PLXNB2: variants seen among roughly 807,000 people sequenced by gnomAD.
PLXNB2 encodes the protein plexin B2.
Under a neutral mutation model 202.6 loss-of-function variants are expected in PLXNB2, and 85 were observed. That is an observed-to-expected ratio of 0.42 (90% CI 0.35 to 0.50). PLXNB2 has a LOEUF of 0.50. Among genes scored for constraint, PLXNB2 ranks in the 20% least tolerant of loss-of-function variants. The probability of loss-of-function intolerance (pLI) is 0.02; values close to 1 mark genes in which losing one functional copy is unlikely to be tolerated. For synonymous variants in PLXNB2, 1,239 were observed against 1,137.6 expected, an observed-to-expected ratio of 1.09 and a Z score of -1.79; for missense variants, 2,063 against 2,586.2, an observed-to-expected ratio of 0.80 and a Z score of 4.39.
rs755219629 is a variant in PLXNB2, at chr22:50,287,193, C to T, written c.1680G>A (p.Ser560=). 4.5e-6 allele frequency: 7 copies of T among 1,548,284 alleles called. No homozygotes were observed. Among genetic ancestry groups the T allele is most frequent in the Admixed American group, 3.9e-5 (2 of 50,880 alleles). ...EDELLCLFGE[S]PPHPARVEGE... is the part of the protein sequence containing the mutation. Reference sequence around the variant, plus strand: ...CCTCCACGCGGGCGGGGTGTGGCGGCGACTCCCCAAAAAGGCACAGCAACT... The same window carrying T: ...CCTCCACGCGGGCGGGGTGTGGCGGTGACTCCCCAAAAAGGCACAGCAACT... The change falls in exon 8 of 37, where the codon TCG becomes TCA. Residue 560 remains serine, a synonymous_variant. Coordinates refer to ENST00000359337, the MANE Select transcript of PLXNB2 (RefSeq NM_012401.4).
intron 35 of PLXNB2, 45 bp downstream of exon 35, chr22:50,276,584 T>A: frequency 6.8e-7 from 1 of 1,468,434 alleles, no homozygotes; most frequent in Non-Finnish European, 9.5e-7. Context: ...CATGGGGTAG[T>A]GGGAGCGGGG....
intron 1 of PLXNB2, among the ~76,000 whole-genome samples, chr22:50,296,193 T>TACACACACAC (rs58616888): frequency 0.029 from 4,096 of 139,346 alleles, 96 homozygotes; most frequent in South Asian, 0.048. Flanking sequence ...TCTCAAAAAA[T>TACACACACAC]ACACACACAC....
chr22:50,278,040 C>T lies in PLXNB2; in HGVS notation c.4888-27G>A, dbSNP rs749699642. 4.5e-5 allele frequency: 72 copies of T among 1,606,418 alleles called. 1 individual carries two copies. In the East Asian group the frequency reaches 9.2e-4, roughly 20 times the overall value. Reference sequence around the variant, plus strand: ...TGTGGGGGGGAGGGTCTCAGCGTGACGCCGTGGGCGCGGCTCCTGGGGGGG... The same window carrying T: ...TGTGGGGGGGAGGGTCTCAGCGTGATGCCGTGGGCGCGGCTCCTGGGGGGG... On this transcript the variant is annotated intron_variant, in intron 31 of 36. Transcript: ENST00000359337.
intron 18 of PLXNB2, 52 bp downstream of exon 18, chr22:50,282,656 TGAG>T: frequency 7.6e-7 from 1 of 1,312,620 alleles, no homozygotes; most frequent in Non-Finnish European, 1.1e-6. Context: ...CCAAGGGCAC[TGAG>T]GAGGCAGCTG....
Position 50,288,641 on chromosome 22 carries a change from C to T in PLXNB2, c.1380+102G>A. The T allele has an allele frequency of 1.3e-6, 2 of 1,492,894 alleles. No homozygotes were observed. Among genetic ancestry groups the T allele is most frequent in the Non-Finnish European group, 1.8e-6 (2 of 1,107,082 alleles). The allele number at this position is 1,492,894 out of a possible 1,614,324, so 92.5% of individuals were successfully genotyped here. On this transcript the variant is annotated intron_variant, in intron 5 of 36. Transcript: ENST00000359337. This position sits in a 1 kb window ranked among gnomAD's most constrained non-coding sequence, Gnocchi z 5.0. ...CAAGGAGAAGGGCCCAGCTCTGCAG[C>T]ACCCCATCCTCCTCTGGCCCCCAGG...
intron 25 of PLXNB2, 135 bp downstream of exon 25, chr22:50,280,354 C>T: frequency 1.2e-6 from 1 of 810,548 alleles, no homozygotes; most frequent in African/African-American, 1.8e-5. Flanking sequence ...CCCTAGACCG[C>T]CCCCCACCAC....
intron 33 of PLXNB2, among the ~76,000 whole-genome samples, chr22:50,277,142 A>G (rs1480405553): frequency 6.6e-6 from 1 of 152,098 alleles, no homozygotes; most frequent in Non-Finnish European, 1.5e-5. Context: ...CCCCGTCTCT[A>G]CTAAAAATAC....
At position 50,283,468 on chromosome 22, in the gene PLXNB2, G is replaced by A. The variant is rs775576429; in HGVS notation, c.2571-23C>T. 12 of 1,608,312 alleles carry A rather than the reference G, an allele frequency of 7.5e-6. No individual in the cohort carries two copies. The South Asian group carries it at 1.2e-4, about 16-fold the overall frequency. ...ATCCTGGCGGGCGACAGGCAGTGTG[G>A]CCCAGGCACTCCCCGACCCACCCCA... On this transcript the variant is annotated intron_variant, in intron 15 of 36. Coordinates refer to ENST00000359337, the MANE Select transcript of PLXNB2 (RefSeq NM_012401.4).
At position 50,281,611 on chromosome 22, in the gene PLXNB2, C is replaced by A. The variant is rs1389397362; in HGVS notation, c.3477G>T (p.Lys1159Asn). The change falls in exon 21 of 37, where the codon AAG (lysine) becomes AAT (asparagine). Residue 1159 changes from lysine to asparagine, a missense_variant. Lys to Asn is a moderately conservative substitution (Grantham distance 94, BLOSUM62 0). Around this residue, in one of 2 missense-constraint regions of PLXNB2, gnomAD observed 760 missense variants for 1,109.4 expected, o/e 0.69. Coordinates refer to ENST00000359337, the MANE Select transcript of PLXNB2 (RefSeq NM_012401.4). ...GTGTGGTGTCTCGTTTCTGCCGCCG[C>A]TTGGGCGGGGGCTGCACCTCCGGGG... is the stretch of plus-strand genomic sequence containing the variant. ...CEPPEVQPPP[K>N]RRQKRDTTHN... 9.3e-6 allele frequency: 15 copies of A among 1,610,136 alleles called. No individual in the cohort carries two copies. The highest frequency in any genetic ancestry group is 1.3e-5 in the Non-Finnish European group (15 of 1,178,214).
intron 2 of PLXNB2, among the ~76,000 whole-genome samples, 190 bp from the exon 3 acceptor site, chr22:50,290,787 T>C (rs2066814342): frequency 1.3e-5 from 2 of 152,158 alleles, no homozygotes; most frequent in African/African-American, 2.4e-5. Context: ...CGGAGACCAC[T>C]TCTCAGCCCT....
chr22:50,279,531 C>T (rs562910544), intron 27 of PLXNB2, 99 bp downstream of exon 27: 24 of 1,161,700 alleles, frequency 2.1e-5, no homozygotes, highest in South Asian at 1.5e-4. Flanking sequence ...AGGAGGTGGA[C>T]GGCCTCTGGC....
chr22:50,281,549 A>G lies in PLXNB2; in HGVS notation c.3522+17T>C. ...CGGTCCCGTGGGGGCACCCCCCGCC[A>G]GTCCCCGCTCACGCACAATGAACTC... On this transcript the variant is annotated intron_variant, in intron 21 of 36. Transcript: ENST00000359337. The G allele has an allele frequency of 2.5e-6, 4 of 1,608,506 alleles. No individual in the cohort carries two copies. The highest frequency in any genetic ancestry group is 3.4e-6 in the Non-Finnish European group (4 of 1,176,980).
chr22:50,287,056 A>T lies in PLXNB2; in HGVS notation c.1762+55T>A. On this transcript the variant is annotated intron_variant, in intron 8 of 36. Transcript: ENST00000359337. ...CCAGCAGAGGCGAGAGCCCGTGTGC[A>T]CAGGGCCCCGTGCGACCGAGAAGGG... 5.5e-6 allele frequency: 8 copies of T among 1,443,288 alleles called. No homozygotes were observed. The South Asian group carries it at 1.1e-4, about 21-fold the overall frequency. The allele number at this position is 1,443,288 out of a possible 1,614,324, so 89.4% of individuals were successfully genotyped here.
intron 2 of PLXNB2, among the ~76,000 whole-genome samples, chr22:50,293,508 CGCTCACCCGGCCCA>C (rs949710526): frequency 1.3e-5 from 2 of 152,068 alleles, no homozygotes; most frequent in Admixed American, 6.5e-5. Context: ...CTCCCAGCCC[CGCTCACCCGGCCCA>C]GCTCGCTCAC....
In PLXNB2 at chr22:50,278,222, C is replaced by T. The variant is rs775062503; in HGVS notation, c.4782G>A (p.Pro1594=). 38 of 1,610,074 alleles carry T rather than the reference C, an allele frequency of 2.4e-5. No homozygotes were observed. The highest frequency in any genetic ancestry group is 1.9e-4 in the South Asian group (17 of 91,076). ...EENRVWHLVR[P]TDEVDEGKSK... The stretch of plus-strand genomic sequence containing the variant: ...ACTTGCCCTCGTCCACCTCGTCGGT[C>T]GGCCGCACCAGGTGCCACACCCGGT... Residue 1594 remains proline, a synonymous_variant, in exon 31 of 37, where the codon CCG becomes CCA. Coordinates refer to ENST00000359337, the MANE Select transcript of PLXNB2 (RefSeq NM_012401.4).
Position 50,281,242 on chromosome 22 carries a change from C to T in PLXNB2, c.3663-53G>A, listed in dbSNP as rs1244847110. 5.8e-6 allele frequency: 9 copies of T among 1,561,500 alleles called. No homozygotes were observed. The African/African-American group carries it at 9.6e-5, about 17-fold the overall frequency. On this transcript the variant is annotated intron_variant, in intron 22 of 36. Coordinates refer to ENST00000359337, the MANE Select transcript of PLXNB2 (RefSeq NM_012401.4). The stretch of plus-strand genomic sequence containing the variant: ...TCTGCCGGGGCTGGCCGCTCAGCTG[C>T]CCGGATGAGGAGGTGGATCTACACG...
intron 1 of PLXNB2, among the ~76,000 whole-genome samples, chr22:50,296,209 C>CACATAT (rs1555926926): frequency 6.7e-6 from 1 of 149,104 alleles, no homozygotes; most frequent in African/African-American, 2.6e-5. Context: ...CACACACACA[C>CACATAT]ACACACACAC....
At position 50,286,094 on chromosome 22, in the gene PLXNB2, T is replaced by C; in HGVS notation, c.1882A>G (p.Ile628Val). Residue 628 changes from isoleucine (I) to valine (V), a missense_variant, in exon 10 of 37, where the codon ATC (isoleucine) becomes GTC (valine). Physicochemically the swap from Ile to Val is conservative, Grantham distance 29. Coordinates refer to ENST00000359337, the MANE Select transcript of PLXNB2 (RefSeq NM_012401.4). ...AMSLEENLPCISCVSNRWTCQ... is the reference protein window; with the variant it reads ...AMSLEENLPCVSCVSNRWTCQ... Reference sequence around the variant, plus strand: ...GTCCAGCGGTTGCTCACGCAGGAGATGCACCTGCATCCAGAGGGGATCGTG... The same window carrying C: ...GTCCAGCGGTTGCTCACGCAGGAGACGCACCTGCATCCAGAGGGGATCGTG... The C allele has an allele frequency of 1.2e-6, 2 of 1,611,828 alleles. No homozygotes were observed. Among genetic ancestry groups the C allele is most frequent in the African/African-American group, 1.3e-5 (1 of 75,054 alleles).
At position 50,294,117 on chromosome 22, in the gene PLXNB2, T is replaced by A. The variant is rs556243106; in HGVS notation, c.-14+602A>T. ...AGGCGCCAGGCACAGCCAGCTACGC[T>A]TCCTGCTGCCTGTGTTCCTGGAACA... is the stretch of plus-strand genomic sequence containing the variant. On this transcript the variant is annotated intron_variant, in intron 2 of 36. Coordinates refer to ENST00000359337, the MANE Select transcript of PLXNB2 (RefSeq NM_012401.4). 7.2e-5 allele frequency among the ~76,000 whole-genome samples: 11 copies of A among 152,324 alleles called. No individual in the cohort carries two copies. In the East Asian group the frequency reaches 1.9e-3, roughly 27 times the overall value.
Sources: allele counts gnomAD v4.1 joint callset (sites outside exome capture counted in the v4.1 genomes callset), GRCh38; gene constraint gnomAD v4.1.1; regional missense constraint gnomAD v4.1.1; non-coding constraint Gnocchi (gnomAD v3.1); transcripts MANE v1.5; gene names NCBI Gene and HGNC (gene_info 2026-07-23, HGNC 2026-07-21).